IMPA2: variants seen among roughly 807,000 people sequenced by gnomAD.
The protein encoded by IMPA2 is IMP 2.
In IMPA2, 32 loss-of-function variants were observed where a neutral mutation model predicts 35.1. The ratio of observed to expected loss-of-function variants is 0.91; its 90% confidence interval spans 0.69 to 1.23. The LOEUF (loss-of-function observed/expected upper bound fraction) is 1.23. Ranked by LOEUF, IMPA2 falls within the 50% of genes most tolerant of loss-of-function variation. The pLI, the probability that IMPA2 is intolerant of heterozygous loss-of-function variation, is 0.00. For synonymous variants in IMPA2, 135 were observed against 160.6 expected (o/e 0.84, Z 1.20); for missense variants, 334 against 387.6 (o/e 0.86, Z 1.16).
chr18:12,028,836 C>T lies in IMPA2; in HGVS notation c.600-6C>T. ...CCTGCATCTGTCCTCCCTTCCCTCT[C>T]CCCAGGGTCCGAGTGATTGGAAGCT... On this transcript the variant is annotated splice_polypyrimidine_tract_variant and splice_region_variant and intron_variant, in intron 6 of 7. Transcript: ENST00000269159. The T allele has an allele frequency of 6.2e-7, 1 of 1,613,584 alleles. No individual in the cohort carries two copies. Among genetic ancestry groups the T allele is most frequent in the Non-Finnish European group, 8.5e-7 (1 of 1,179,778 alleles).
In IMPA2 at chr18:12,030,401, G is replaced by C. The variant is rs763024515; in HGVS notation, c.810G>C (p.Ala270=). The change falls in exon 8 of 8, where the codon GCG becomes GCC. Residue 270 remains alanine (A), a synonymous_variant. Coordinates refer to ENST00000269159, the MANE Select transcript of IMPA2 (RefSeq NM_014214.3). Reference sequence around the variant, plus strand: ...TTGCGGCCAGCACCCGGGAGATGGCGATGCTCATAGCTCAGGCCTTACAGA... The same window carrying C: ...TTGCGGCCAGCACCCGGGAGATGGCCATGCTCATAGCTCAGGCCTTACAGA... ...RVVAASTREM[A]MLIAQALQTI... 6.2e-7 allele frequency: 1 copy of C among 1,614,224 alleles called. No individual in the cohort carries two copies.
At chr18:12,021,799 T>G (rs1415631382) in intron 5 of IMPA2, 3 of 152,338 alleles carry the variant, frequency 2.0e-5, no homozygotes, top group Non-Finnish European at 4.4e-5. Flanking sequence ...ATTACAGGCA[T>G]GAACCACCAC....
intron 2 of IMPA2, among the ~76,000 whole-genome samples, chr18:12,001,901 C>G (rs1907125759): frequency 6.6e-6 from 1 of 152,240 alleles, no homozygotes; most frequent in South Asian, 2.1e-4. Flanking sequence ...TGGACTGTGG[C>G]TGCACCACGG....
At chr18:11,989,393 C>T (rs1906749993) in intron 1 of IMPA2, among the ~76,000 whole-genome samples, 1 of 152,194 alleles carries the variant, frequency 6.6e-6, no homozygotes, top group Non-Finnish European at 1.5e-5. Context: ...GTTTGCTTAG[C>T]TCTGCAGGGT....
At chr18:12,030,301 C>T in intron 7 of IMPA2, 42 bp from the exon 8 acceptor site, 1 of 1,482,666 alleles carries the variant, frequency 6.7e-7, no homozygotes, top group Non-Finnish European at 9.4e-7. Flanking sequence ...GTTCAGCCCT[C>T]TCTGGTAACC....
intron 4 of IMPA2, 170 bp downstream of exon 4, chr18:12,012,385 A>T: frequency 1.5e-6 from 1 of 656,394 alleles, no homozygotes; most frequent in East Asian, 2.6e-5. Flanking sequence ...ACAAGTCCAG[A>T]CTGGCTTTGG....
chr18:12,025,485 AC>A (rs1207613140), intron 5 of IMPA2, among the ~76,000 whole-genome samples: 1 of 152,198 alleles, frequency 6.6e-6, no homozygotes. Context: ...TTGCATTTCC[AC>A]CAGCCATGCA....
chr18:12,028,951 GTCA>G lies in IMPA2; in HGVS notation c.716_718del (p.Ile239del), dbSNP rs1555647502. ...CTGCTGGGATCTGGCGGCTGCCACA[GTCA>G]TCATCAGAGAAGCAGGCGGCATCGT... is the stretch of plus-strand genomic sequence containing the variant. On this transcript the variant is annotated inframe_deletion, in exon 7 of 8. Coordinates refer to ENST00000269159, the MANE Select transcript of IMPA2 (RefSeq NM_014214.3). 6.2e-7 allele frequency: 1 copy of G among 1,614,002 alleles called. No individual in the cohort carries two copies. Among genetic ancestry groups the G allele is most frequent in the Non-Finnish European group, 8.5e-7 (1 of 1,180,034 alleles).
At chr18:11,995,729 AG>A (rs1906942094) in intron 1 of IMPA2, among the ~76,000 whole-genome samples, 1 of 152,138 alleles carries the variant, frequency 6.6e-6, no homozygotes, top group Admixed American at 6.6e-5. Flanking sequence ...TGTGGATGGA[AG>A]CACTGGATCT....
intron 7 of IMPA2, among the ~76,000 whole-genome samples, chr18:12,029,319 T>C (rs1907980892): frequency 6.6e-6 from 1 of 151,476 alleles, no homozygotes; most frequent in Admixed American, 6.6e-5. Flanking sequence ...TTTCATGGTG[T>C]CAGCCAGGAT....
chr18:12,008,631 G>A (rs1178361447), intron 2 of IMPA2: 1 of 448,394 alleles, frequency 2.2e-6, no homozygotes, highest in Admixed American at 2.4e-5. Context: ...TCTTCCCTGT[G>A]TGTGTGGGCC....
intron 1 of IMPA2, among the ~76,000 whole-genome samples, chr18:11,986,563 C>G (rs374583937): frequency 1.3e-5 from 2 of 152,296 alleles, no homozygotes; most frequent in East Asian, 3.9e-4. Flanking sequence ...GGACCCGTGT[C>G]CCCACTTGTC....
rs538630251 is a variant in IMPA2 at position 12,010,778 on chromosome 18, G to A, written c.335+791G>A. On this transcript the variant is annotated intron_variant, in intron 3 of 7. Transcript: ENST00000269159. The surrounding 1 kb of genome is among the most constrained non-coding windows in gnomAD (Gnocchi z 4.8). ...TAAGCAGGAAGGGTGAGCAGAGCCC[G>A]GGTGTGGGCTCCTTTATGATCTGCC... 1.7e-4 allele frequency among the ~76,000 whole-genome samples: 26 copies of A among 152,332 alleles called. No homozygotes were observed. In the South Asian group the frequency reaches 4.6e-3, roughly 27 times the overall value.
rs375342352 is a variant in IMPA2 at position 12,030,475 on chromosome 18, G to A, written c.*17G>A. On this transcript the variant is annotated 3_prime_UTR_variant, in exon 8 of 8. Transcript: ENST00000269159. ...GAGAAGTGACTGCGGCTGAGGCAAA[G>A]CTGCTCCCAAGGCCTCCCTGGGCTG... The A allele has an allele frequency of 1.7e-5, 27 of 1,608,778 alleles. 1 individual carries two copies. Among genetic ancestry groups the A allele is most frequent in the Non-Finnish European group, 2.1e-5 (25 of 1,175,292 alleles).
At chr18:12,014,995 T>C (rs1316011905) in intron 5 of IMPA2, among the ~76,000 whole-genome samples, 1 of 152,210 alleles carries the variant, frequency 6.6e-6, no homozygotes, top group African/African-American at 2.4e-5. Flanking sequence ...TTTTCACTGA[T>C]TCTTTTCGGC....
intron 7 of IMPA2, 100 bp downstream of exon 7, chr18:12,029,093 T>G: frequency 5.5e-6 from 4 of 724,084 alleles, no homozygotes; most frequent in Non-Finnish European, 6.2e-6. Context: ...ATTTCCCACC[T>G]TCCCCAGAGT....
chr18:12,028,411 C>G (rs2143829334), intron 6 of IMPA2: 1 of 502,736 alleles, frequency 2.0e-6, no homozygotes, highest in Non-Finnish European at 3.6e-6. Context: ...GCTCAACCAG[C>G]GAATGGTGCA....
chr18:12,006,262 T>C (rs957635139), intron 2 of IMPA2, among the ~76,000 whole-genome samples: 2 of 152,200 alleles, frequency 1.3e-5, no homozygotes, highest in African/African-American at 4.8e-5. Context: ...CCGGCTGCCA[T>C]TGTGGCTTCT....
At chr18:11,997,882 C>T (rs1907004878) in intron 1 of IMPA2, among the ~76,000 whole-genome samples, 1 of 152,204 alleles carries the variant, frequency 6.6e-6, no homozygotes, top group Non-Finnish European at 1.5e-5. Flanking sequence ...CAGAAATGGG[C>T]AAGAGCTGGG....
Sources: gnomAD v4.1 joint callset for allele counts (sites outside exome capture counted in the v4.1 genomes callset) on GRCh38, gnomAD v4.1.1 for gene constraint, Gnocchi (gnomAD v3.1) non-coding constraint, MANE v1.5 for transcripts, NCBI Gene and HGNC (gene_info 2026-07-23, HGNC 2026-07-21) for gene names.